CSMD2: variants seen among roughly 807,000 people sequenced by gnomAD.
CSMD2 encodes the protein CUB and Sushi multiple domains 2, also known as CUB and sushi domain-containing protein 2.
A neutral mutation model predicts 398.5 loss-of-function variants in CSMD2; 130 were observed. That is an observed-to-expected ratio of 0.33 (90% CI 0.28 to 0.38). The LOEUF (loss-of-function observed/expected upper bound fraction) is 0.38, where lower values mean the gene tolerates loss of function less well. Among genes scored for constraint, CSMD2 ranks in the 10% least tolerant of loss-of-function variants. CSMD2 has a pLI of 1.00. For missense variants in CSMD2, 3,829 were observed against 4,764.9 expected (o/e 0.80, Z 5.78); for synonymous variants, 1,828 against 1,908.5 (o/e 0.96, Z 1.10).
chr1:33,597,700 T>C (rs1232245496), intron 44 of CSMD2, among the ~76,000 whole-genome samples: 2 of 152,266 alleles, frequency 1.3e-5, no homozygotes, highest in Non-Finnish European at 2.9e-5. Context: ...GAGCATTACC[T>C]AGTGAAACTA....
intron 25 of CSMD2, among the ~76,000 whole-genome samples, chr1:33,674,332 G>C (rs1174097084): frequency 6.6e-6 from 1 of 151,996 alleles, no homozygotes; most frequent in Non-Finnish European, 1.5e-5. Context: ...AACAGACTTT[G>C]AACCAACAAA....
chr1:34,042,201 A>G (rs1244314473), intron 2 of CSMD2, among the ~76,000 whole-genome samples: 3 of 152,226 alleles, frequency 2.0e-5, no homozygotes, highest in Admixed American at 6.5e-5. Flanking sequence ...ACAGGGAAAG[A>G]CGGAAGAATT....
chr1:34,074,377 T>C (rs1656079045), intron 2 of CSMD2, among the ~76,000 whole-genome samples: 1 of 152,162 alleles, frequency 6.6e-6, no homozygotes, highest in African/African-American at 2.4e-5. Flanking sequence ...GCATACAGGG[T>C]CCCTGGTGGA....
At chr1:33,894,811 C>A (rs1388609237) in intron 5 of CSMD2, among the ~76,000 whole-genome samples, 1 of 152,212 alleles carries the variant, frequency 6.6e-6, no homozygotes, top group East Asian at 1.9e-4. Flanking sequence ...GAGCAGCCCT[C>A]TTCTGGGACC....
chr1:33,715,863 G>T (rs1188189230), intron 20 of CSMD2, among the ~76,000 whole-genome samples: 2 of 151,426 alleles, frequency 1.3e-5, no homozygotes, highest in South Asian at 4.2e-4. Flanking sequence ...TGATGAAAAA[G>T]ATCCCAAATG....
intron 48 of CSMD2, among the ~76,000 whole-genome samples, chr1:33,578,973 C>T (rs544161478): frequency 3.3e-5 from 5 of 152,174 alleles, no homozygotes; most frequent in African/African-American, 7.2e-5. Flanking sequence ...ACAAGAATCT[C>T]GGTTGTAAAA....
intron 26 of CSMD2, among the ~76,000 whole-genome samples, chr1:33,659,871 A>C (rs953744617): frequency 6.6e-6 from 1 of 152,256 alleles, no homozygotes; most frequent in African/African-American, 2.4e-5. Flanking sequence ...TTTTGTAAAT[A>C]AAGTTTTACT....
intron 3 of CSMD2, among the ~76,000 whole-genome samples, chr1:33,995,877 A>T (rs1197836867): frequency 6.6e-6 from 1 of 152,236 alleles, no homozygotes; most frequent in Non-Finnish European, 1.5e-5. Context: ...GATGGATATT[A>T]TTCCCAGGTG....
chr1:33,670,020 G>A (rs1036135623), intron 25 of CSMD2, among the ~76,000 whole-genome samples: 4 of 152,180 alleles, frequency 2.6e-5, no homozygotes, highest in Non-Finnish European at 5.9e-5. Context: ...CTAGAACTGT[G>A]AACAAAACAC....
At chr1:34,101,743 AC>A (rs1659964692) in intron 1 of CSMD2, among the ~76,000 whole-genome samples, 1 of 151,516 alleles carries the variant, frequency 6.6e-6, no homozygotes, top group African/African-American at 2.4e-5. Context: ...TTTCTTACCT[AC>A]TTATCTATTT....
intron 53 of CSMD2, among the ~76,000 whole-genome samples, chr1:33,561,477 T>G (rs2148663222): frequency 6.6e-6 from 1 of 152,360 alleles, no homozygotes. Flanking sequence ...TCAATTCACA[T>G]AATTATTTAT....
At chr1:34,000,565 T>C (rs989413545) in intron 3 of CSMD2, among the ~76,000 whole-genome samples, 1 of 152,174 alleles carries the variant, frequency 6.6e-6, no homozygotes, top group Admixed American at 6.5e-5. Context: ...CTGCACACTA[T>C]TCTTTGGCAA....
chr1:33,866,170 T>TA (rs1343904273), intron 5 of CSMD2, among the ~76,000 whole-genome samples: 1 of 152,140 alleles, frequency 6.6e-6, no homozygotes, highest in Non-Finnish European at 1.5e-5. Context: ...TGAGAGGTAA[T>TA]ACAGTGATTT....
chr1:33,854,887 C>T (rs569337190), intron 5 of CSMD2, among the ~76,000 whole-genome samples: 31 of 152,232 alleles, frequency 2.0e-4, no homozygotes, highest in African/African-American at 7.5e-4. Context: ...CTCACCAACA[C>T]GCTGGGTCTT....
intron 3 of CSMD2, among the ~76,000 whole-genome samples, chr1:33,986,863 C>A (rs1646376970): frequency 1.3e-5 from 2 of 152,192 alleles, no homozygotes; most frequent in Admixed American, 1.3e-4. Flanking sequence ...CACGGACATG[C>A]AGCCCCTGAT....
intron 1 of CSMD2, among the ~76,000 whole-genome samples, chr1:34,155,739 C>T (rs1167314490): frequency 6.6e-6 from 1 of 152,176 alleles, no homozygotes; most frequent in African/African-American, 2.4e-5. Flanking sequence ...CAGCCCGAGC[C>T]CTGGGCAGGA....
chr1:33,959,094 TCA>T (rs1476141525), intron 3 of CSMD2, among the ~76,000 whole-genome samples: 1 of 152,146 alleles, frequency 6.6e-6, no homozygotes, highest in Non-Finnish European at 1.5e-5. Context: ...TCCCTCGTGG[TCA>T]CAGTGAGATG....
At chr1:33,919,820 C>A (rs979631175) in intron 4 of CSMD2, among the ~76,000 whole-genome samples, 1 of 149,876 alleles carries the variant, frequency 6.7e-6, no homozygotes, top group African/African-American at 2.6e-5. Context: ...TTAATATATT[C>A]ATTCACTTAT....
intron 2 of CSMD2, among the ~76,000 whole-genome samples, chr1:34,077,239 C>T (rs1397130382): frequency 1.9e-4 from 29 of 148,780 alleles, no homozygotes; most frequent in African/African-American, 9.9e-5. Context: ...GGGTGGATCA[C>T]AAGGTCAGGA....
Sources: gnomAD v4.1 joint callset for allele counts (sites outside exome capture counted in the v4.1 genomes callset) on GRCh38, gnomAD v4.1.1 for gene constraint, MANE v1.5 for transcripts, NCBI Gene and HGNC (gene_info 2026-07-23, HGNC 2026-07-21) for gene names.